Variants in SHCBP1L observed in about 807,000 individuals in gnomAD.
SHCBP1L encodes the protein testicular spindle-associated protein SHCBP1L.
Under a neutral mutation model 62.5 loss-of-function variants are expected in SHCBP1L, and 67 were observed. The ratio of observed to expected loss-of-function variants is 1.07; its 90% confidence interval spans 0.88 to 1.31. The LOEUF (loss-of-function observed/expected upper bound fraction) is 1.31. SHCBP1L is among the 40% of genes most tolerant of loss of function. The pLI is 0.00. For synonymous variants in SHCBP1L, 284 were observed against 289.4 expected (o/e 0.98, Z 0.19); for missense variants, 823 against 809.8 (o/e 1.02, Z -0.20).
chr1:182,933,283 G>T (rs545260487), intron 5 of SHCBP1L, among the ~76,000 whole-genome samples: 1 of 152,214 alleles, frequency 6.6e-6, no homozygotes, highest in Non-Finnish European at 1.5e-5. Flanking sequence ...TCTGTGAATA[G>T]AGATAACTTT....
intron 6 of SHCBP1L, among the ~76,000 whole-genome samples, chr1:182,915,920 C>T (rs1383414332): frequency 1.3e-5 from 2 of 151,756 alleles, no homozygotes; most frequent in Non-Finnish European, 1.5e-5. Flanking sequence ...CATTCTCCTG[C>T]CTCAGCCTCT....
intron 6 of SHCBP1L, among the ~76,000 whole-genome samples, chr1:182,920,445 C>T (rs1216877966): frequency 6.6e-6 from 1 of 152,166 alleles, no homozygotes; most frequent in Non-Finnish European, 1.5e-5. Flanking sequence ...ACATCAACTT[C>T]AAAGGAACAT....
At chr1:182,924,224 A>C (rs988621050) in intron 6 of SHCBP1L, among the ~76,000 whole-genome samples, 1 of 152,170 alleles carries the variant, frequency 6.6e-6, no homozygotes, top group African/African-American at 2.4e-5. Context: ...AAACTACAAA[A>C]TGCTGTTGAA....
At chr1:182,936,913 G>C (rs1279469195) in intron 5 of SHCBP1L, among the ~76,000 whole-genome samples, 2 of 151,874 alleles carry the variant, frequency 1.3e-5, no homozygotes, top group South Asian at 2.1e-4. Flanking sequence ...AATTAGCCAG[G>C]CATGGTGGCA....
intron 2 of SHCBP1L, among the ~76,000 whole-genome samples, chr1:182,944,056 G>C (rs1421814312): frequency 6.6e-6 from 1 of 151,594 alleles, no homozygotes; most frequent in Non-Finnish European, 1.5e-5. Context: ...GGGAGGTGGA[G>C]GTTGCAGTGA....
intron 2 of SHCBP1L, among the ~76,000 whole-genome samples, chr1:182,948,222 G>T (rs1436205680): frequency 6.6e-6 from 1 of 152,124 alleles, no homozygotes; most frequent in Non-Finnish European, 1.5e-5. Flanking sequence ...TTTGTTTGTT[G>T]GTTGGTTATT....
intron 6 of SHCBP1L, among the ~76,000 whole-genome samples, chr1:182,910,125 A>G (rs554736060): frequency 2.0e-5 from 3 of 152,338 alleles, no homozygotes; most frequent in Admixed American, 1.3e-4. Flanking sequence ...CAGCACAGAA[A>G]TGGTGAAGTA....
At chr1:182,944,537 T>C (rs1651488817) in intron 2 of SHCBP1L, 1 of 152,136 alleles carries the variant, frequency 6.6e-6, no homozygotes, top group South Asian at 2.1e-4. Context: ...ATAGAATTCC[T>C]TGATGGTCTT....
chr1:182,927,961 A>G (rs1403898748), intron 6 of SHCBP1L, among the ~76,000 whole-genome samples: 2 of 152,238 alleles, frequency 1.3e-5, no homozygotes, highest in African/African-American at 4.8e-5. Flanking sequence ...GAGAAGTAAA[A>G]ATAAAAATGA....
At chr1:182,904,658 C>T (rs1013107627) in intron 7 of SHCBP1L, among the ~76,000 whole-genome samples, 1 of 152,084 alleles carries the variant, frequency 6.6e-6, no homozygotes, top group African/African-American at 2.4e-5. Context: ...ATCCTCCTGC[C>T]TCACCTCCTG....
chr1:182,937,960 AG>A (rs760044280), intron 5 of SHCBP1L, among the ~76,000 whole-genome samples: 1 of 152,206 alleles, frequency 6.6e-6, no homozygotes, highest in Non-Finnish European at 1.5e-5. Flanking sequence ...ATGACAAATC[AG>A]GTAACAGAAC....
In SHCBP1L at chr1:182,903,072, A is replaced by C. The variant is rs1649892668; in HGVS notation, c.1677T>G (p.Ser559Arg). Reference protein sequence around the residue: ...HHCNNLRTSNSSKSTLGGVNM... With the variant: ...HHCNNLRTSNRSKSTLGGVNM... ...TAACTCCACCTAAGGTGCTTTTTGA[A>C]CTGTTACTGGTTCTGAGGTTATTAC... is the stretch of plus-strand genomic sequence containing the variant. The change falls in exon 9 of 10, where the codon AGT becomes AGG. Residue 559 changes from serine (S) to arginine (R), a missense_variant. Physicochemically the swap from Ser to Arg is moderately radical, Grantham distance 110. Transcript: ENST00000367547. 1 of 1,597,560 alleles carries C rather than the reference A, an allele frequency of 6.3e-7. No individual in the cohort carries two copies.
intron 5 of SHCBP1L, among the ~76,000 whole-genome samples, chr1:182,936,130 G>GTTTTTTTTTT (rs71127329): frequency 3.1e-5 from 2 of 63,980 alleles, no homozygotes; most frequent in Non-Finnish European, 6.4e-5. Flanking sequence ...TTTGTTTTTT[G>GTTTTTTTTTT]TTTTTTTTTT....
intron 2 of SHCBP1L, among the ~76,000 whole-genome samples, chr1:182,943,397 C>T (rs1651441851): frequency 6.7e-6 from 1 of 148,392 alleles, no homozygotes; most frequent in Admixed American, 6.9e-5. Context: ...GCTGGGATTA[C>T]AGGAATGAGC....
At chr1:182,927,088 A>G (rs1650784055) in intron 6 of SHCBP1L, among the ~76,000 whole-genome samples, 1 of 32,884 alleles carries the variant, frequency 3.0e-5, no homozygotes, top group African/African-American at 1.5e-4. Flanking sequence ...ATATATATAT[A>G]TATATATATA....
intron 5 of SHCBP1L, among the ~76,000 whole-genome samples, chr1:182,935,751 G>T (rs1162113253): frequency 6.6e-6 from 1 of 152,124 alleles, no homozygotes; most frequent in Non-Finnish European, 1.5e-5. Flanking sequence ...TTATCATCAT[G>T]AAATGTCCCT....
At chr1:182,920,369 C>A (rs1281577741) in intron 6 of SHCBP1L, among the ~76,000 whole-genome samples, 1 of 152,124 alleles carries the variant, frequency 6.6e-6, no homozygotes, top group Non-Finnish European at 1.5e-5. Context: ...CTGAACCTAC[C>A]TTATACCACA....
At chr1:182,912,292 AAG>A (rs1650213435) in intron 6 of SHCBP1L, among the ~76,000 whole-genome samples, 1 of 152,246 alleles carries the variant, frequency 6.6e-6, no homozygotes, top group Non-Finnish European at 1.5e-5. Context: ...AAAAGAAAAA[AAG>A]AGACAAAACA....
chr1:182,939,842 C>A (rs1651299366), intron 3 of SHCBP1L, among the ~76,000 whole-genome samples: 1 of 151,936 alleles, frequency 6.6e-6, no homozygotes, highest in African/African-American at 2.4e-5. Context: ...TAAGATACTA[C>A]CAAATTTGTA....
Sources: gnomAD v4.1 joint callset for allele counts (sites outside exome capture counted in the v4.1 genomes callset) on GRCh38, gnomAD v4.1.1 for gene constraint, MANE v1.5 for transcripts, NCBI Gene and HGNC (gene_info 2026-07-23, HGNC 2026-07-21) for gene names.